The following EPN2 variants were observed in gnomAD, a reference collection of about 807,000 sequenced individuals.
EPN2 encodes the protein epsin 2.
EPN2 carries 34 observed loss-of-function variants against 61.7 expected under a neutral mutation model. That is an observed-to-expected ratio of 0.55 (90% CI 0.42 to 0.73). EPN2 has a LOEUF of 0.73. Ranked by LOEUF, EPN2 falls within the 30% of genes least tolerant of loss-of-function variation. EPN2 has a pLI of 0.00. For synonymous variants in EPN2, 349 were observed against 353.6 expected (o/e 0.99, Z 0.15); for missense variants, 714 against 839.2 (o/e 0.85, Z 1.84).
intron 7 of EPN2, among the ~76,000 whole-genome samples, chr17:19,315,136 A>G (rs1330224754): frequency 1.3e-5 from 2 of 152,210 alleles, no homozygotes; most frequent in Non-Finnish European, 2.9e-5. Flanking sequence ...TACCAGGGGT[A>G]AGTTTTTCCC....
intron 2 of EPN2, 64 bp downstream of exon 2, chr17:19,282,141 T>C (rs546266756): frequency 6.6e-6 from 1 of 152,174 alleles, no homozygotes; most frequent in African/African-American, 2.4e-5. Flanking sequence ...AGCGAGTTAA[T>C]AGATAGCCAG....
In EPN2 at chr17:19,283,528, G is replaced by A. The variant is rs781421181; in HGVS notation, c.409G>A (p.Glu137Lys). Residue 137 changes from glutamate to lysine, a missense_variant, in exon 3 of 11, where the codon GAG becomes AAG. Physicochemically the swap from Glu to Lys is moderately conservative, Grantham distance 56. Coordinates refer to ENST00000314728, the MANE Select transcript of EPN2 (RefSeq NM_014964.5). This position sits in a 1 kb window ranked among gnomAD's most constrained non-coding sequence, Gnocchi z 7.0. The stretch of plus-strand genomic sequence containing the variant: ...GCAACTGGTGGCTCTCCTCAAGGAC[G>A]AGGAACGGTTGAAGGCTGAGAGGGC... ...SKQLVALLKD[E>K]ERLKAERAQA... is the part of the protein sequence containing the mutation. 1 of 1,614,228 alleles carries A rather than the reference G, an allele frequency of 6.2e-7. No individual in the cohort carries two copies. The highest frequency in any genetic ancestry group is 1.1e-5 in the South Asian group (1 of 91,084).
At chr17:19,325,580 G>A (rs1906828067) in intron 7 of EPN2, among the ~76,000 whole-genome samples, 1 of 152,100 alleles carries the variant, frequency 6.6e-6, no homozygotes, top group African/African-American at 2.4e-5. Flanking sequence ...TCCATAACCT[G>A]ATAAAGGGCT....
At chr17:19,292,403 C>A (rs2045474335) in intron 4 of EPN2, among the ~76,000 whole-genome samples, 1 of 152,196 alleles carries the variant, frequency 6.6e-6, no homozygotes, top group African/African-American at 2.4e-5. Flanking sequence ...AGATGAGACT[C>A]ATTTGGCATC....
At position 19,272,240 on chromosome 17, in the gene EPN2, C is replaced by A. The variant is rs551980279; in HGVS notation, c.-293-9715C>A. Reference sequence around the variant, plus strand: ...CCACAGTGTGTGAGAAATGGGGAATCTCTGCCTAAGGGTCACAGCGGCCAT... The same window carrying A: ...CCACAGTGTGTGAGAAATGGGGAATATCTGCCTAAGGGTCACAGCGGCCAT... On this transcript the variant is annotated intron_variant, in intron 1 of 10. Coordinates refer to ENST00000314728, the MANE Select transcript of EPN2 (RefSeq NM_014964.5). Among the ~76,000 whole-genome samples, 9 of 152,334 alleles carry A rather than the reference C, an allele frequency of 5.9e-5. No individual in the cohort carries two copies. In the South Asian group the frequency reaches 1.9e-3, roughly 32 times the overall value.
chr17:19,313,375 C>A (rs746275910), intron 7 of EPN2, 96 bp downstream of exon 7: 3 of 1,227,970 alleles, frequency 2.4e-6, no homozygotes, highest in South Asian at 3.2e-5. Flanking sequence ...TGGGTCTGGT[C>A]GATTGTGGTG....
intron 7 of EPN2, among the ~76,000 whole-genome samples, chr17:19,325,922 T>G (rs980765799): frequency 1.3e-5 from 2 of 152,192 alleles, no homozygotes; most frequent in East Asian, 3.8e-4. Flanking sequence ...TTTGGCAAGA[T>G]TGCTGGGTAC....
At chr17:19,239,771 C>T (rs1234589217) in intron 1 of EPN2, among the ~76,000 whole-genome samples, 1 of 152,184 alleles carries the variant, frequency 6.6e-6, no homozygotes, top group African/African-American at 2.4e-5. Context: ...TGGAAAACTT[C>T]CAGCAGTGTG....
intron 4 of EPN2, among the ~76,000 whole-genome samples, chr17:19,291,963 A>G (rs914744255): frequency 6.6e-6 from 1 of 152,160 alleles, no homozygotes. Context: ...ACACACAGAC[A>G]CATGTGCACT....
chr17:19,331,000 TTTTTG>T (rs977292394), intron 9 of EPN2, among the ~76,000 whole-genome samples: 1 of 152,192 alleles, frequency 6.6e-6, no homozygotes, highest in African/African-American at 2.4e-5. Flanking sequence ...GTGTTTTGTT[TTTTTG>T]TTTTGTTTTG....
intron 7 of EPN2, among the ~76,000 whole-genome samples, chr17:19,318,866 C>G (rs1906513409): frequency 6.6e-6 from 1 of 151,994 alleles, no homozygotes; most frequent in Non-Finnish European, 1.5e-5. Flanking sequence ...AGTGGAGATA[C>G]TGCACATATT....
intron 10 of EPN2, among the ~76,000 whole-genome samples, chr17:19,333,460 T>C (rs1484168875): frequency 1.3e-5 from 2 of 152,142 alleles, no homozygotes. Context: ...TGAGGTAAAT[T>C]CTGGAGACAC....
At position 19,328,745 on chromosome 17, in the gene EPN2, G is replaced by A. The variant is rs751175022; in HGVS notation, c.1182G>A (p.Gly394=). The A allele has an allele frequency of 3.2e-5, 51 of 1,612,750 alleles. No homozygotes were observed. The highest frequency in any genetic ancestry group is 3.9e-5 in the Non-Finnish European group (46 of 1,179,350). ...CAGCTGCCTCCATTGACCCATGGGG[G>A]GTGCCCACTGGAGCCACCGTACAAT... ...TKPAASIDPW[G]VPTGATVQSV... The change falls in exon 8 of 11, where the codon GGG becomes GGA. Residue 394 remains glycine, a synonymous_variant. Coordinates refer to ENST00000314728, the MANE Select transcript of EPN2 (RefSeq NM_014964.5).
chr17:19,286,695 T>C (rs1477435395), intron 4 of EPN2, among the ~76,000 whole-genome samples: 1 of 152,232 alleles, frequency 6.6e-6, no homozygotes, highest in Non-Finnish European at 1.5e-5. Context: ...CTCATTAATA[T>C]TACAGCTTGT....
intron 1 of EPN2, among the ~76,000 whole-genome samples, chr17:19,270,470 T>C (rs888663377): frequency 6.6e-6 from 1 of 152,222 alleles, no homozygotes; most frequent in Non-Finnish European, 1.5e-5. Context: ...GATGCCTCTG[T>C]AGGCTTTCAT....
intron 1 of EPN2, among the ~76,000 whole-genome samples, chr17:19,259,801 C>T (rs1260032239): frequency 1.3e-5 from 2 of 152,228 alleles, no homozygotes; most frequent in Non-Finnish European, 1.5e-5. Flanking sequence ...AGAGCGACCC[C>T]TCGCTCCTAA....
At chr17:19,238,311 C>G (rs1373250877) in intron 1 of EPN2, among the ~76,000 whole-genome samples, 1 of 152,238 alleles carries the variant, frequency 6.6e-6, no homozygotes, top group Non-Finnish European at 1.5e-5. Context: ...TGGGGCGGCT[C>G]CCCTAGAGCC....
rs752519675 is a variant in EPN2, at chr17:19,309,891, C to T, written c.773C>T (p.Ser258Phe). The T allele has an allele frequency of 6.2e-7, 1 of 1,606,596 alleles. No homozygotes were observed. Among genetic ancestry groups the T allele is most frequent in the South Asian group, 1.1e-5 (1 of 91,086 alleles). Reference protein sequence around the residue: ...LTCDRAARATSPRVSSELEQA... With the variant: ...LTCDRAARATFPRVSSELEQA... ...ACTTGGTCTTCCCCAACAGCCACCT[C>T]CCCGCGAGTGTCCTCCGAGCTGGAG... The change falls in exon 5 of 11, where the codon TCC (serine) becomes TTC (phenylalanine). Residue 258 changes from serine to phenylalanine, a missense_variant. Coordinates refer to ENST00000314728, the MANE Select transcript of EPN2 (RefSeq NM_014964.5).
chr17:19,268,815 T>C (rs760955920), intron 1 of EPN2, among the ~76,000 whole-genome samples: 7 of 152,236 alleles, frequency 4.6e-5, no homozygotes, highest in Admixed American at 1.3e-4. Flanking sequence ...GAGTGTCAGC[T>C]AGCTGTGCAT....
Sources: allele counts gnomAD v4.1 joint callset (sites outside exome capture counted in the v4.1 genomes callset), GRCh38; gene constraint gnomAD v4.1.1; non-coding constraint Gnocchi (gnomAD v3.1); transcripts MANE v1.5; gene names NCBI Gene and HGNC (gene_info 2026-07-23, HGNC 2026-07-21).